COL18A1: variants seen among roughly 807,000 people sequenced by gnomAD.
COL18A1 encodes collagen type XVIII alpha 1 chain.
In COL18A1, 133 loss-of-function variants were observed where a neutral mutation model predicts 168.0. The observed-to-expected ratio is 0.79, with a 90% CI of 0.69 to 0.91. COL18A1 has a LOEUF of 0.91. COL18A1 is among the 40% of genes least tolerant of loss of function. The pLI, the probability that COL18A1 is intolerant of heterozygous loss-of-function variation, is 0.00. For synonymous variants in COL18A1, 949 were observed against 809.0 expected (o/e 1.17, Z -2.94); for missense variants, 2,126 against 1,925.4 (o/e 1.10, Z -1.95).
chr21:45,446,506 A>G (rs1248610070), intron 2 of COL18A1, among the ~76,000 whole-genome samples: 3 of 152,264 alleles, frequency 2.0e-5, no homozygotes, highest in African/African-American at 7.2e-5. Flanking sequence ...AGGTTGAATT[A>G]GTAATCCAAA....
In COL18A1 at chr21:45,498,781, T is replaced by C. The variant is rs1462308557; in HGVS notation, c.2683+1120T>C. ...GACACACCAGACCAGGAGGCCCAGC[T>C]CATGGGGTCATCGGACCCACCTTGA... On this transcript the variant is annotated intron_variant, in intron 32 of 41. Transcript: ENST00000651438. The surrounding 1 kb of genome is among the most constrained non-coding windows in gnomAD (Gnocchi z 4.5). Among the ~76,000 whole-genome samples the C allele has an allele frequency of 6.6e-6, 1 of 152,122 alleles. No homozygotes were observed. Among genetic ancestry groups the C allele is most frequent in the African/African-American group, 2.4e-5 (1 of 41,394 alleles).
At chr21:45,438,455 G>C (rs929374839) in intron 2 of COL18A1, among the ~76,000 whole-genome samples, 1 of 152,220 alleles carries the variant, frequency 6.6e-6, no homozygotes, top group Non-Finnish European at 1.5e-5. Flanking sequence ...GCTCATCCCT[G>C]GGTGCCTGGG....
intron 7 of COL18A1, 33 bp from the exon 8 acceptor site, chr21:45,477,709 GCCCCACCC>G: frequency 6.7e-7 from 1 of 1,500,010 alleles, no homozygotes; most frequent in Non-Finnish European, 8.9e-7. Flanking sequence ...GGTGTGTGGG[GCCCCACCC>G]CAGCCCGAGC....
intron 2 of COL18A1, among the ~76,000 whole-genome samples, chr21:45,418,789 G>A (rs1350403586): frequency 2.0e-5 from 3 of 152,176 alleles, no homozygotes; most frequent in African/African-American, 4.8e-5. Context: ...CTTTAGCGTT[G>A]GGTTCCCGGG....
intron 29 of COL18A1, chr21:45,495,734 A>G (rs991961665): frequency 3.0e-5 from 12 of 404,086 alleles, no homozygotes; most frequent in Non-Finnish European, 5.2e-5. Flanking sequence ...ACACACATCC[A>G]CACGTGCTCA....
intron 19 of COL18A1, 117 bp from the exon 20 acceptor site, chr21:45,490,158 T>G (rs1602534191): frequency 2.9e-6 from 2 of 696,520 alleles, no homozygotes; most frequent in Non-Finnish European, 4.8e-6. Context: ...CCCACAGGGG[T>G]GAGAGAGAGA....
chr21:45,431,180 C>T (rs183278500), intron 2 of COL18A1, among the ~76,000 whole-genome samples: 1,946 of 152,266 alleles, frequency 0.013, 21 homozygotes, highest in Non-Finnish European at 0.019. Flanking sequence ...TGCCTCTGTG[C>T]TCTCCAAGGG....
At chr21:45,460,000 A>G (rs371624606) in intron 2 of COL18A1, among the ~76,000 whole-genome samples, 5 of 152,248 alleles carry the variant, frequency 3.3e-5, no homozygotes, top group African/African-American at 9.6e-5. Context: ...GATGTTTCCA[A>G]GGAGTCCTAC....
chr21:45,508,112 CGGGTG>C (rs2037336003), intron 38 of COL18A1, among the ~76,000 whole-genome samples: 1 of 100,264 alleles, frequency 1.0e-5, no homozygotes, highest in African/African-American at 3.9e-5. Context: ...GGTGGTCAGG[CGGGTG>C]AGTGGACGGG....
intron 2 of COL18A1, among the ~76,000 whole-genome samples, chr21:45,465,256 T>C (rs1602448046): frequency 1.3e-5 from 2 of 152,304 alleles, no homozygotes; most frequent in African/African-American, 2.4e-5. Flanking sequence ...CCACCCCACC[T>C]GTGCCTGGCG....
chr21:45,438,220 ACACACT>A (rs2034255766), intron 2 of COL18A1, among the ~76,000 whole-genome samples: 2 of 102,346 alleles, frequency 2.0e-5, no homozygotes, highest in South Asian at 6.5e-4. Context: ...ACACACACTC[ACACACT>A]CAGACACACA....
chr21:45,500,205 TGGCTGG>T (rs1466388736), intron 32 of COL18A1, among the ~76,000 whole-genome samples: 5 of 113,060 alleles, frequency 4.4e-5, no homozygotes, highest in African/African-American at 1.4e-4. Context: ...GGAGTGTGTG[TGGCTGG>T]GTTGGGTGTA....
intron 2 of COL18A1, among the ~76,000 whole-genome samples, chr21:45,437,323 C>G (rs1440792840): frequency 2.7e-5 from 3 of 112,416 alleles, no homozygotes; most frequent in African/African-American, 7.9e-5. Flanking sequence ...CTCTCCTGCA[C>G]ACACACACAC....
chr21:45,426,519 G>T (rs1726380369), intron 2 of COL18A1, among the ~76,000 whole-genome samples: 1 of 152,204 alleles, frequency 6.6e-6, no homozygotes, highest in South Asian at 2.1e-4. Flanking sequence ...AACCCCTGCA[G>T]CGCTCCCCCA....
At position 45,405,384 on chromosome 21, in the gene COL18A1, C is replaced by T. The variant is rs1219524361; in HGVS notation, c.17C>T (p.Pro6Leu). 4.8e-6 allele frequency: 6 copies of T among 1,245,210 alleles called. No individual in the cohort carries two copies. In the South Asian group the frequency reaches 1.1e-4, roughly 22 times the overall value. The allele number at this position is 1,245,210 out of a possible 1,614,324, so 77.1% of individuals were successfully genotyped here. A position where few individuals can be genotyped will look rare whatever the true frequency, so the allele number is the denominator to read the frequency against. The part of the protein sequence containing the change: MAPRC[P>L]WPWPRRRRLL... Reference sequence around the variant, plus strand: ...CCCGTGCCTGTCCCGCGCAGGTGCCCCTGGCCATGGCCGCGGCGGCGGCGC... The same window carrying T: ...CCCGTGCCTGTCCCGCGCAGGTGCCTCTGGCCATGGCCGCGGCGGCGGCGC... Residue 6 changes from proline to leucine, a missense_variant, in exon 2 of 42, where the codon CCC becomes CTC. Pro to Leu is a moderately conservative substitution (Grantham distance 98). Transcript: ENST00000651438.
At position 45,498,368 on chromosome 21, in the gene COL18A1, C is replaced by A. The variant is rs1354645560; in HGVS notation, c.2683+707C>A. The A allele has an allele frequency of 1.5e-6, 1 of 656,924 alleles. No homozygotes were observed. Among genetic ancestry groups the A allele is most frequent in the Admixed American group, 2.2e-5 (1 of 44,926 alleles). 40.7% of individuals were successfully genotyped at this position (656,924 alleles called of 1,614,324 possible). On this transcript the variant is annotated intron_variant, in intron 32 of 41. Coordinates refer to ENST00000651438, the MANE Select transcript of COL18A1 (RefSeq NM_001379500.1). The surrounding 1 kb of genome is among the most constrained non-coding windows in gnomAD (Gnocchi z 4.5). Reference sequence around the variant, plus strand: ...CACCGCCAGGGTTCCCTCTCGCCACCACGGTCCCCTCTCGCCGCCAGGGTC... The same window carrying A: ...CACCGCCAGGGTTCCCTCTCGCCACAACGGTCCCCTCTCGCCGCCAGGGTC...
At chr21:45,467,501 CT>C (rs1160244306) in intron 2 of COL18A1, 1 of 929,256 alleles carries the variant, frequency 1.1e-6, no homozygotes, top group Non-Finnish European at 1.3e-6. Flanking sequence ...GGAGATACAG[CT>C]TGTCCTTGCC....
At chr21:45,431,807 G>A (rs989811042) in intron 2 of COL18A1, among the ~76,000 whole-genome samples, 2 of 152,166 alleles carry the variant, frequency 1.3e-5, no homozygotes, top group Non-Finnish European at 2.9e-5. Context: ...GCGCGCATTG[G>A]TGGGGGCAGC....
chr21:45,510,323 C>T, intron 40 of COL18A1, 62 bp downstream of exon 40: 3 of 1,518,658 alleles, frequency 2.0e-6, no homozygotes, highest in Non-Finnish European at 2.7e-6. Flanking sequence ...CTGGGGTGAA[C>T]TCCCAGCGGG....
Sources: gnomAD v4.1 joint callset for allele counts (sites outside exome capture counted in the v4.1 genomes callset) on GRCh38, gnomAD v4.1.1 for gene constraint, Gnocchi (gnomAD v3.1) non-coding constraint, MANE v1.5 for transcripts, NCBI Gene and HGNC (gene_info 2026-07-23, HGNC 2026-07-21) for gene names.